The following TBC1D19 variants were observed in gnomAD, a reference collection of about 807,000 sequenced individuals.
TBC1D19 encodes the protein TBC1 domain family, member 19.
In TBC1D19, 60 loss-of-function variants were observed where a neutral mutation model predicts 89.0. The ratio of observed to expected loss-of-function variants is 0.67; its 90% CI spans 0.55 to 0.84. TBC1D19 has a LOEUF of 0.84. Among genes scored for constraint, TBC1D19 ranks in the 40% least tolerant of loss-of-function variants. The pLI, the probability that TBC1D19 is intolerant of heterozygous loss-of-function variation, is 0.00. For synonymous variants in TBC1D19, 189 were observed against 199.7 expected (o/e 0.95, Z 0.45); for missense variants, 500 against 610.8 (o/e 0.82, Z 1.91).
At chr4:26,829,050 C>T in the TBC1D19 span, among the ~76,000 whole-genome samples, 1 of 152,168 alleles carries the variant, frequency 6.6e-6, no homozygotes, top group Non-Finnish European at 1.5e-5. Flanking sequence ...GCTTGGGCAT[C>T]CACAGATGCC....
At chr4:26,782,112 G>A in the TBC1D19 span, among the ~76,000 whole-genome samples, 33 of 152,190 alleles carry the variant, frequency 2.2e-4, no homozygotes, top group Admixed American at 2.2e-3. Flanking sequence ...TATTTAAGAT[G>A]TTTTAATGAA....
At chr4:26,583,976 T>A (rs915446779), upstream of TBC1D19, 1 of 564,022 alleles carries the variant, frequency 1.8e-6, no homozygotes, top group African/African-American at 1.9e-5. Flanking sequence ...CCCCGGTCTT[T>A]TTCCGCCGGC....
At chr4:26,673,446 T>TATATATATATATATACACAC (rs373807642) in intron 10 of TBC1D19, among the ~76,000 whole-genome samples, 5 of 90,884 alleles carry the variant, frequency 5.5e-5, no homozygotes, top group African/African-American at 1.3e-4. Flanking sequence ...TATATATATA[T>TATATATATATATATACACAC]ACACACACAC....
At chr4:26,655,224 C>T (rs1278128704) in intron 7 of TBC1D19, among the ~76,000 whole-genome samples, 1 of 152,186 alleles carries the variant, frequency 6.6e-6, no homozygotes, top group African/African-American at 2.4e-5. Context: ...CCTGATCGTT[C>T]CTCTGGAAGT....
At chr4:26,665,020 C>T (rs997692863) in intron 8 of TBC1D19, among the ~76,000 whole-genome samples, 4 of 151,950 alleles carry the variant, frequency 2.6e-5, no homozygotes, top group African/African-American at 7.3e-5. Flanking sequence ...GGAGGTTGGC[C>T]GACGATCGCT....
At chr4:26,858,910 G>GT in the TBC1D19 span, 2 of 152,128 alleles carry the variant, frequency 1.3e-5, no homozygotes, top group Non-Finnish European at 2.9e-5. Context: ...AATCATCTTT[G>GT]TTTAAAGAAT....
At chr4:26,812,014 C>A in the TBC1D19 span, among the ~76,000 whole-genome samples, 9 of 152,188 alleles carry the variant, frequency 5.9e-5, no homozygotes, top group African/African-American at 1.7e-4. This position sits in a 1 kb window ranked among gnomAD's most constrained non-coding sequence, Gnocchi z 4.2. Context: ...TTATTTTACC[C>A]AGCTCCTATT....
chr4:26,842,614 TTC>T, the TBC1D19 span, among the ~76,000 whole-genome samples: 3 of 144,216 alleles, frequency 2.1e-5, no homozygotes, highest in African/African-American at 5.2e-5. Context: ...CTTTCTTTCT[TTC>T]TTTCTTTCTT....
At chr4:26,819,431 T>G in the TBC1D19 span, among the ~76,000 whole-genome samples, 8 of 152,238 alleles carry the variant, frequency 5.3e-5, no homozygotes, top group Admixed American at 4.6e-4. Context: ...GAGGGAAGCA[T>G]CCACATGGAC....
intron 13 of TBC1D19, among the ~76,000 whole-genome samples, chr4:26,712,539 T>C (rs754434121): frequency 6.6e-6 from 1 of 152,060 alleles, no homozygotes; most frequent in Non-Finnish European, 1.5e-5. Context: ...AATCTCCCCA[T>C]TTAAAAATCT....
At chr4:26,732,044 T>C (rs562370248) in intron 15 of TBC1D19, among the ~76,000 whole-genome samples, 8 of 152,332 alleles carry the variant, frequency 5.3e-5, no homozygotes, top group Middle Eastern at 3.4e-3. Context: ...TTTTTCTTCT[T>C]CTTTCTTATT....
chr4:26,747,200 T>C (rs905779340), intron 18 of TBC1D19, among the ~76,000 whole-genome samples: 1 of 152,214 alleles, frequency 6.6e-6, no homozygotes, highest in African/African-American at 2.4e-5. Flanking sequence ...TATGCTATGT[T>C]ATTTCTATAT....
chr4:26,727,874 T>A (rs1717408556), intron 15 of TBC1D19, among the ~76,000 whole-genome samples: 1 of 152,240 alleles, frequency 6.6e-6, no homozygotes, highest in Non-Finnish European at 1.5e-5. Flanking sequence ...ATCTCACTTG[T>A]GGAAGACACT....
chr4:26,748,675 C>T (rs193216222), intron 19 of TBC1D19, 149 bp downstream of exon 19: 22 of 613,402 alleles, frequency 3.6e-5, no homozygotes, highest in East Asian at 8.7e-5. Flanking sequence ...ACGATAAGTA[C>T]GAACAAAAAC....
chr4:26,725,664 C>G (rs982049439), intron 15 of TBC1D19, among the ~76,000 whole-genome samples: 4 of 152,134 alleles, frequency 2.6e-5, no homozygotes, highest in African/African-American at 9.7e-5. Context: ...CCGCCCACCT[C>G]AGCCTCCTAA....
intron 4 of TBC1D19, 82 bp downstream of exon 4, chr4:26,620,770 G>C: frequency 8.1e-7 from 1 of 1,230,702 alleles, no homozygotes; most frequent in Non-Finnish European, 1.1e-6. Context: ...GATGTCAGGA[G>C]TATGTATTAT....
chr4:26,694,529 G>A lies in TBC1D19; in HGVS notation c.954+6122G>A, dbSNP rs114601854. Among the ~76,000 whole-genome samples the A allele has an allele frequency of 2.6e-3, 398 of 152,266 alleles. 3 individuals are homozygous for A. Among genetic ancestry groups the A allele is most frequent in the African/African-American group, 8.8e-3 (367 of 41,552 alleles). Reference sequence around the variant, plus strand: ...TCTGCAGACTTAAACGTCCCTGTTCGACAGCTTGAAGAGCAGTGGTTCTCC... The same window carrying A: ...TCTGCAGACTTAAACGTCCCTGTTCAACAGCTTGAAGAGCAGTGGTTCTCC... On this transcript the variant is annotated intron_variant, in intron 13 of 20. Coordinates refer to ENST00000264866, the MANE Select transcript of TBC1D19 (RefSeq NM_018317.4).
At chr4:26,649,827 A>G (rs1374114033) in intron 7 of TBC1D19, among the ~76,000 whole-genome samples, 1 of 151,916 alleles carries the variant, frequency 6.6e-6, no homozygotes, top group Non-Finnish European at 1.5e-5. Context: ...TCGTCATTTA[A>G]CATTAGGTAT....
chr4:26,796,659 A>G, the TBC1D19 span, among the ~76,000 whole-genome samples: 1 of 152,300 alleles, frequency 6.6e-6, no homozygotes, highest in East Asian at 1.9e-4. Context: ...TGACTACACC[A>G]CTGCACTCCA....
Sources: gnomAD v4.1 joint callset for allele counts (sites outside exome capture counted in the v4.1 genomes callset) on GRCh38, gnomAD v4.1.1 for gene constraint, Gnocchi (gnomAD v3.1) non-coding constraint, MANE v1.5 for transcripts, NCBI Gene and HGNC (gene_info 2026-07-23, HGNC 2026-07-21) for gene names.